Variants in NLGN1 observed in about 807,000 individuals in gnomAD.
The protein encoded by NLGN1 is neuroligin-1.
A neutral mutation model predicts 65.5 loss-of-function variants in NLGN1; 12 were observed. That is an observed-to-expected ratio of 0.18 (90% confidence interval 0.12 to 0.30). The LOEUF is 0.30. NLGN1 is among the 10% of genes least tolerant of loss of function. The probability of loss-of-function intolerance (pLI) is 1.00; values close to 1 mark genes in which losing one functional copy is unlikely to be tolerated. For synonymous variants in NLGN1, 350 were observed against 359.5 expected (o/e 0.97, Z 0.30); for missense variants, 750 against 1,007.1 (o/e 0.74, Z 3.46).
chr3:173,590,479 C>A (rs1331128265), intron 2 of NLGN1, among the ~76,000 whole-genome samples: 1 of 152,112 alleles, frequency 6.6e-6, no homozygotes, highest in Non-Finnish European at 1.5e-5. Context: ...TACTAGTAGT[C>A]TGTATAACCT....
At chr3:174,007,088 A>G (rs1191463872) in intron 4 of NLGN1, among the ~76,000 whole-genome samples, 1 of 151,990 alleles carries the variant, frequency 6.6e-6, no homozygotes, top group Non-Finnish European at 1.5e-5. Flanking sequence ...AAATAAAAAG[A>G]CAAGATTCAG....
At chr3:173,658,273 T>G (rs1275660181) in intron 3 of NLGN1, among the ~76,000 whole-genome samples, 1 of 151,968 alleles carries the variant, frequency 6.6e-6, no homozygotes, top group Non-Finnish European at 1.5e-5. Flanking sequence ...AGGTATGTGA[T>G]TAGGAAGCTG....
intron 4 of NLGN1, among the ~76,000 whole-genome samples, chr3:173,853,897 ATTAT>A (rs1727447086): frequency 6.6e-6 from 1 of 151,884 alleles, no homozygotes; most frequent in South Asian, 2.1e-4. Context: ...CATTTTATAA[ATTAT>A]TTATTAAATT....
intron 2 of NLGN1, among the ~76,000 whole-genome samples, chr3:173,550,893 C>T (rs1740740526): frequency 6.6e-6 from 1 of 152,146 alleles, no homozygotes; most frequent in African/African-American, 2.4e-5. Context: ...ATAAGGGATA[C>T]ATTTTTATTT....
intron 3 of NLGN1, among the ~76,000 whole-genome samples, chr3:173,772,551 G>A (rs1302655195): frequency 6.6e-6 from 1 of 152,146 alleles, no homozygotes; most frequent in African/African-American, 2.4e-5. Flanking sequence ...CTGGGAGACG[G>A]AGGTTGCAGG....
chr3:173,804,738 A>G (rs545842168), intron 3 of NLGN1, among the ~76,000 whole-genome samples: 1 of 152,084 alleles, frequency 6.6e-6, no homozygotes, highest in South Asian at 2.1e-4. Flanking sequence ...TATACAAAGT[A>G]AAGCCTGGCC....
At chr3:173,542,172 A>G (rs1187685793) in intron 2 of NLGN1, among the ~76,000 whole-genome samples, 1 of 151,912 alleles carries the variant, frequency 6.6e-6, no homozygotes, top group African/African-American at 2.4e-5. Context: ...TATTTCTTCT[A>G]TTGAATTTTG....
chr3:173,903,534 A>T (rs1209052382), intron 4 of NLGN1, among the ~76,000 whole-genome samples: 2 of 152,178 alleles, frequency 1.3e-5, no homozygotes, highest in Non-Finnish European at 2.9e-5. Context: ...GCTCTATACT[A>T]CTGCATTTTC....
At chr3:173,935,643 C>T (rs576680799) in intron 4 of NLGN1, among the ~76,000 whole-genome samples, 1 of 150,526 alleles carries the variant, frequency 6.6e-6, no homozygotes, top group Non-Finnish European at 1.5e-5. Flanking sequence ...CTCTCTCTCT[C>T]TCTCTCTCTG....
intron 4 of NLGN1, among the ~76,000 whole-genome samples, chr3:173,905,585 C>T (rs1178393254): frequency 2.0e-5 from 3 of 152,142 alleles, no homozygotes; most frequent in Non-Finnish European, 4.4e-5. Context: ...ATACACTGGC[C>T]TGTTGGATCT....
At chr3:174,081,903 C>G (rs1459643879) in intron 4 of NLGN1, among the ~76,000 whole-genome samples, 1 of 152,080 alleles carries the variant, frequency 6.6e-6, no homozygotes, top group Non-Finnish European at 1.5e-5. Context: ...GAGGGAAACA[C>G]AAACATTCAG....
In NLGN1 at chr3:174,279,590, A is replaced by G. The variant is rs1458677505; in HGVS notation, c.1589A>G (p.Lys530Arg). 1 of 1,613,202 alleles carries G rather than the reference A, an allele frequency of 6.2e-7. No individual in the cohort carries two copies. The highest frequency in any genetic ancestry group is 8.5e-7 in the Non-Finnish European group (1 of 1,179,454). Reference sequence around the variant, plus strand: ...GAGTTATTTCCTTGCAATTTCTCCAAAAATGATGTGATGCTGAGTGCAGTT... The same window carrying G: ...GAGTTATTTCCTTGCAATTTCTCCAGAAATGATGTGATGCTGAGTGCAGTT... Residue 530 changes from lysine to arginine, a missense_variant, in exon 6 of 7, where the codon AAA becomes AGA. Coordinates refer to ENST00000457714, the Ensembl canonical transcript of NLGN1. The surrounding 1 kb of genome is among the most constrained non-coding windows in gnomAD (Gnocchi z 4.7).
intron 4 of NLGN1, among the ~76,000 whole-genome samples, chr3:174,056,318 A>G (rs2152510834): frequency 6.6e-6 from 1 of 152,094 alleles, no homozygotes; most frequent in Admixed American, 6.6e-5. Context: ...TCAGATTATC[A>G]AAGTGTGATG....
intron 4 of NLGN1, among the ~76,000 whole-genome samples, chr3:173,873,520 T>C (rs1731567654): frequency 6.6e-6 from 1 of 152,214 alleles, no homozygotes; most frequent in South Asian, 2.1e-4. Flanking sequence ...CAGAAGCATG[T>C]GTAATTGTAG....
chr3:173,492,690 A>G (rs1729380090), intron 2 of NLGN1, among the ~76,000 whole-genome samples: 1 of 151,910 alleles, frequency 6.6e-6, no homozygotes, highest in Non-Finnish European at 1.5e-5. Context: ...AAGATATTAA[A>G]TCAGAATCCA....
At chr3:173,613,433 T>A (rs925544523) in intron 3 of NLGN1, among the ~76,000 whole-genome samples, 2 of 152,144 alleles carry the variant, frequency 1.3e-5, no homozygotes, top group African/African-American at 2.4e-5. Context: ...TTGGTATTTT[T>A]CTATCAAGAT....
At chr3:173,413,079 C>G (rs7653034) in intron 1 of NLGN1, among the ~76,000 whole-genome samples, 4,459 of 152,108 alleles carry the variant, frequency 0.029, 231 homozygotes, top group African/African-American at 0.1. Context: ...CCTTCTCTTT[C>G]TGCCTTGCCC....
At chr3:173,836,047 T>C (rs758922454) in intron 4 of NLGN1, among the ~76,000 whole-genome samples, 1 of 152,186 alleles carries the variant, frequency 6.6e-6, no homozygotes, top group African/African-American at 2.4e-5. Flanking sequence ...CTGATAGTTA[T>C]TGCATGCCCA....
chr3:174,083,509 A>C (rs181810247), intron 4 of NLGN1, among the ~76,000 whole-genome samples: 15 of 152,200 alleles, frequency 9.9e-5, no homozygotes, highest in Non-Finnish European at 1.9e-4. Context: ...TCGAAAACAC[A>C]TAGTGAATTC....
Sources: gnomAD v4.1 joint callset for allele counts (sites outside exome capture counted in the v4.1 genomes callset) on GRCh38, gnomAD v4.1.1 for gene constraint, Gnocchi (gnomAD v3.1) non-coding constraint, MANE v1.5 for transcripts, NCBI Gene and HGNC (gene_info 2026-07-23, HGNC 2026-07-21) for gene names.